The following PIBF1 variants were observed in gnomAD, a reference collection of about 807,000 sequenced individuals.
PIBF1 encodes progesterone immunomodulatory binding factor 1.
Under a neutral mutation model 112.5 loss-of-function variants are expected in PIBF1, and 90 were observed. The observed-to-expected ratio is 0.80, with a 90% CI of 0.67 to 0.95. PIBF1 has a LOEUF of 0.95. Among genes scored for constraint, PIBF1 ranks in the 40% least tolerant of loss-of-function variants. The pLI is 0.00. For missense variants in PIBF1, 915 were observed against 852.3 expected (o/e 1.07, Z -0.92); for synonymous variants, 301 against 288.6 (o/e 1.04, Z -0.44).
At chr13:73,013,740 A>T (rs1180082508) in intron 17 of PIBF1, among the ~76,000 whole-genome samples, 1,184 of 65,766 alleles carry the variant, frequency 0.018, 10 homozygotes, top group African/African-American at 0.099. Context: ...TCAAAAAAAA[A>T]AAAAAAAAAA....
At chr13:72,998,646 A>G (rs1023314210) in intron 16 of PIBF1, among the ~76,000 whole-genome samples, 176 bp from the exon 17 acceptor site, 1 of 152,236 alleles carries the variant, frequency 6.6e-6, no homozygotes, top group African/African-American at 2.4e-5. Context: ...GTTATATTAA[A>G]TGAGTATTAA....
At chr13:72,946,609 C>G (rs1453667938) in intron 14 of PIBF1, among the ~76,000 whole-genome samples, 1 of 152,168 alleles carries the variant, frequency 6.6e-6, no homozygotes, top group Non-Finnish European at 1.5e-5. Flanking sequence ...AAATTAAAAG[C>G]AAGTTAGTTA....
chr13:72,905,366 T>A (rs2040668454), intron 11 of PIBF1, among the ~76,000 whole-genome samples: 1 of 152,132 alleles, frequency 6.6e-6, no homozygotes, highest in Non-Finnish European at 1.5e-5. Context: ...ACACCCAGCG[T>A]AAATCCCATA....
Position 73,010,804 on chromosome 13 carries a change from A to ACTTCT in PIBF1, c.2224-5062_2224-5061insCTCTT, listed in dbSNP as rs1169069074. On this transcript the variant is annotated intron_variant, in intron 17 of 17. Transcript: ENST00000326291. ...AAAAAGCTGAGCTGGAAAATCATTA[A>ACTTCT]CTTTTCTTTTTTTTTTTTTTTTTTT... Among the ~76,000 whole-genome samples, 27 of 64,282 alleles carry ACTTCT rather than the reference A, an allele frequency of 4.2e-4. 4 individuals carry two copies. Among genetic ancestry groups the ACTTCT allele is most frequent in the Non-Finnish European group, 3.9e-4 (13 of 33,578 alleles). The allele number at this position is 64,282 out of a possible 152,430, so 42.2% of individuals were successfully genotyped here. A position where few individuals can be genotyped will look rare whatever the true frequency, so the allele number is the denominator to read the frequency against.
At chr13:72,960,970 T>G (rs953289888) in intron 14 of PIBF1, among the ~76,000 whole-genome samples, 7 of 151,752 alleles carry the variant, frequency 4.6e-5, no homozygotes, top group African/African-American at 1.7e-4. Context: ...GGCTCCACTT[T>G]CACTATAATG....
intron 10 of PIBF1, among the ~76,000 whole-genome samples, chr13:72,885,533 A>G (rs2039816498): frequency 6.6e-6 from 1 of 152,152 alleles, no homozygotes; most frequent in Non-Finnish European, 1.5e-5. Flanking sequence ...TATCTCATTA[A>G]GAGCTTATAA....
intron 5 of PIBF1, among the ~76,000 whole-genome samples, 199 bp downstream of exon 5, chr13:72,798,225 G>A (rs1226095499): frequency 4.6e-5 from 7 of 152,194 alleles, no homozygotes; most frequent in Non-Finnish European, 7.3e-5. Context: ...CTGTGTTATT[G>A]ACGTATCCTA....
At chr13:72,832,155 T>C (rs1382964739) in intron 8 of PIBF1, among the ~76,000 whole-genome samples, 1 of 147,846 alleles carries the variant, frequency 6.8e-6, no homozygotes, top group Non-Finnish European at 1.5e-5. Context: ...TGAGCCTATA[T>C]GTGTCTTTGC....
rs140167708 is a variant in PIBF1, at chr13:73,007,536, G to A, written c.2224-8333G>A. ...TTTTACCTTTTAAACTAGGCCAGGC[G>A]CAGTGGCTCACGCCTGTAATCCCAG... On this transcript the variant is annotated intron_variant, in intron 17 of 17. Coordinates refer to ENST00000326291, the MANE Select transcript of PIBF1 (RefSeq NM_006346.4). Among the ~76,000 whole-genome samples the A allele has an allele frequency of 5.5e-3, 840 of 152,202 alleles. 2 individuals are homozygous for A. Among genetic ancestry groups the A allele is most frequent in the African/African-American group, 0.016 (679 of 41,532 alleles).
At chr13:73,007,090 T>G (rs1441539285) in intron 17 of PIBF1, among the ~76,000 whole-genome samples, 1 of 151,624 alleles carries the variant, frequency 6.6e-6, no homozygotes, top group African/African-American at 2.4e-5. Context: ...ATGAAGCCTA[T>G]AAGCCTTATA....
At chr13:72,795,661 T>G (rs1241765885) in intron 4 of PIBF1, 104 bp downstream of exon 4, 1 of 709,326 alleles carries the variant, frequency 1.4e-6, no homozygotes, top group South Asian at 1.8e-5. Flanking sequence ...TGATACATTA[T>G]TTTATGGCTA....
In PIBF1 at chr13:72,917,180, A is replaced by G. The variant is rs1231519023; in HGVS notation, c.1730+14A>G. The G allele has an allele frequency of 2.7e-6, 4 of 1,484,460 alleles. No individual in the cohort carries two copies. The highest frequency in any genetic ancestry group is 2.6e-5 in the South Asian group (2 of 77,752). 92.0% of individuals were successfully genotyped at this position (1,484,460 alleles called of 1,614,324 possible). On this transcript the variant is annotated intron_variant, in intron 13 of 17. Transcript: ENST00000326291. The stretch of plus-strand genomic sequence containing the variant: ...ACTAAAGCAAAGGTAAAATCAATAT[A>G]TATTTATTTTATTTATCTACTCAAG...
chr13:72,857,637 A>C (rs373851965), intron 10 of PIBF1, among the ~76,000 whole-genome samples: 1 of 152,208 alleles, frequency 6.6e-6, no homozygotes, highest in African/African-American at 2.4e-5. Flanking sequence ...TCAGGAGTTC[A>C]AAACCAGCCT....
At chr13:72,976,610 G>A (rs2043028450) in intron 16 of PIBF1, among the ~76,000 whole-genome samples, 1 of 152,168 alleles carries the variant, frequency 6.6e-6, no homozygotes, top group Non-Finnish European at 1.5e-5. Flanking sequence ...TTAAAGCTTA[G>A]TAAAACAAAT....
chr13:72,991,286 C>A (rs566278162), intron 16 of PIBF1, among the ~76,000 whole-genome samples: 2 of 152,180 alleles, frequency 1.3e-5, no homozygotes, highest in Admixed American at 6.5e-5. Context: ...CAGTCGTCAT[C>A]ATCATCATCA....
intron 17 of PIBF1, among the ~76,000 whole-genome samples, chr13:73,001,074 G>T (rs902455416): frequency 1.3e-5 from 2 of 152,108 alleles, no homozygotes; most frequent in Non-Finnish European, 2.9e-5. Flanking sequence ...GTAAGCTAAT[G>T]CAGAATTAGT....
At chr13:72,984,473 ATAAG>A (rs1026738004) in intron 16 of PIBF1, among the ~76,000 whole-genome samples, 3 of 152,188 alleles carry the variant, frequency 2.0e-5, no homozygotes, top group African/African-American at 7.2e-5. Context: ...TCAGTAAATA[ATAAG>A]TGTGTTTAAT....
chr13:72,845,841 GCA>G (rs2037848493), intron 9 of PIBF1, among the ~76,000 whole-genome samples: 1 of 151,860 alleles, frequency 6.6e-6, no homozygotes, highest in African/African-American at 2.4e-5. Context: ...CAAGCCTTTG[GCA>G]CCCCCATACT....
chr13:72,923,819 G>A (rs1008481855), intron 13 of PIBF1, among the ~76,000 whole-genome samples: 1 of 152,130 alleles, frequency 6.6e-6, no homozygotes, highest in Non-Finnish European at 1.5e-5. Context: ...ACAAAAATTA[G>A]TTGGCATAGT....
Sources: allele counts gnomAD v4.1 joint callset (sites outside exome capture counted in the v4.1 genomes callset), GRCh38; gene constraint gnomAD v4.1.1; transcripts MANE v1.5; gene names NCBI Gene and HGNC (gene_info 2026-07-23, HGNC 2026-07-21).